The following MYLK variants were observed in gnomAD, a reference collection of about 807,000 sequenced individuals.
MYLK encodes myosin light chain kinase.
A neutral mutation model predicts 203.4 loss-of-function variants in MYLK; 106 were observed. The ratio of observed to expected loss-of-function variants is 0.52; its 90% CI spans 0.45 to 0.61. The LOEUF is 0.61. Among genes scored for constraint, MYLK ranks in the 20% least tolerant of loss-of-function variants. MYLK has a pLI of 0.00. For synonymous variants in MYLK, 867 were observed against 959.5 expected (o/e 0.90, Z 1.78); for missense variants, 2,072 against 2,442.3 (o/e 0.85, Z 3.20).
chr3:123,877,784 C>A (rs902209645), intron 1 of MYLK, among the ~76,000 whole-genome samples: 2 of 152,152 alleles, frequency 1.3e-5, no homozygotes, highest in African/African-American at 4.8e-5. Flanking sequence ...AAAATGATCA[C>A]CCTGTTGACA....
chr3:123,665,564 A>G (rs1024002711), intron 22 of MYLK, among the ~76,000 whole-genome samples: 7 of 152,174 alleles, frequency 4.6e-5, no homozygotes, highest in African/African-American at 1.7e-4. Context: ...TCCTGTGCCA[A>G]CCCATCATTC....
intron 3 of MYLK, among the ~76,000 whole-genome samples, chr3:123,823,004 G>A (rs1286679314): frequency 6.6e-6 from 1 of 152,100 alleles, no homozygotes. Context: ...TGAGGTCCAC[G>A]AACACATATG....
At chr3:123,664,946 T>G (rs986684301) in intron 22 of MYLK, among the ~76,000 whole-genome samples, 1 of 152,132 alleles carries the variant, frequency 6.6e-6, no homozygotes, top group African/African-American at 2.4e-5. Flanking sequence ...TGAGAGTAGA[T>G]GAGTGGTTGT....
intron 13 of MYLK, among the ~76,000 whole-genome samples, chr3:123,717,680 T>C (rs2061943805): frequency 2.0e-5 from 3 of 152,186 alleles, no homozygotes; most frequent in African/African-American, 7.2e-5. Context: ...ATATACTGTA[T>C]TTCAGATATT....
intron 29 of MYLK, among the ~76,000 whole-genome samples, chr3:123,632,164 C>T (rs1376559062): frequency 6.6e-6 from 1 of 152,056 alleles, no homozygotes; most frequent in African/African-American, 2.4e-5. Flanking sequence ...CATGAGCCAC[C>T]GCGCCTAGCC....
intron 19 of MYLK, among the ~76,000 whole-genome samples, chr3:123,684,109 C>T (rs2108469148): frequency 6.6e-6 from 1 of 152,294 alleles, no homozygotes; most frequent in Non-Finnish European, 1.5e-5. Flanking sequence ...CGTGGTCATT[C>T]TCAGCTACAG....
chr3:123,732,774 T>C, intron 11 of MYLK, 122 bp downstream of exon 11: 3 of 958,886 alleles, frequency 3.1e-6, no homozygotes, highest in Non-Finnish European at 4.9e-6. Context: ...GGGGGTGACA[T>C]TTCTGTCGGG....
intron 2 of MYLK, among the ~76,000 whole-genome samples, chr3:123,869,035 G>A (rs936101181): frequency 4.3e-4 from 66 of 152,206 alleles, no homozygotes; most frequent in Admixed American, 2.6e-3. Context: ...CAAGTTTTAT[G>A]AGCTCTCCAG....
chr3:123,638,285 C>A (rs2058715944), intron 28 of MYLK, 91 bp from the exon 29 acceptor site: 1 of 1,577,542 alleles, frequency 6.3e-7, no homozygotes, highest in South Asian at 1.1e-5. Flanking sequence ...TTGACCCCAA[C>A]CTGGGAGGGG....
At chr3:123,718,090 C>T (rs750810842) in intron 13 of MYLK, among the ~76,000 whole-genome samples, 10 of 152,044 alleles carry the variant, frequency 6.6e-5, no homozygotes, top group East Asian at 1.9e-4. Context: ...TCGAACTCCT[C>T]GGCTCAAGAG....
intron 3 of MYLK, among the ~76,000 whole-genome samples, chr3:123,817,366 T>C (rs915842065): frequency 1.3e-5 from 2 of 152,202 alleles, no homozygotes; most frequent in Non-Finnish European, 2.9e-5. Flanking sequence ...GAGTGGAACA[T>C]ATACTGTGAA....
intron 4 of MYLK, among the ~76,000 whole-genome samples, chr3:123,781,236 C>A (rs2064286879): frequency 6.6e-6 from 1 of 152,178 alleles, no homozygotes; most frequent in Non-Finnish European, 1.5e-5. Flanking sequence ...GTGCTCCAAG[C>A]CAATTGTTGG....
chr3:123,774,308 T>C (rs561984527), intron 4 of MYLK, among the ~76,000 whole-genome samples: 1 of 152,244 alleles, frequency 6.6e-6, no homozygotes, highest in East Asian at 1.9e-4. Context: ...TACAATACTT[T>C]TGCAGGGTCA....
chr3:123,846,781 A>T (rs775844696), intron 2 of MYLK, among the ~76,000 whole-genome samples: 2 of 151,894 alleles, frequency 1.3e-5, no homozygotes, highest in Non-Finnish European at 2.9e-5. Flanking sequence ...TTTATTAAGG[A>T]TCTCTTTTTT....
At chr3:123,680,655 C>T (rs1273279142) in intron 20 of MYLK, among the ~76,000 whole-genome samples, 1 of 152,176 alleles carries the variant, frequency 6.6e-6, no homozygotes, top group Non-Finnish European at 1.5e-5. Context: ...AGGCTGAGTT[C>T]CCCCAACAGC....
chr3:123,825,520 G>T (rs572176476), intron 3 of MYLK, among the ~76,000 whole-genome samples: 1 of 152,324 alleles, frequency 6.6e-6, no homozygotes, highest in Non-Finnish European at 1.5e-5. Context: ...GCCCAGTTTG[G>T]AGAGCCACTG....
At chr3:123,739,097 C>T (rs369187677) in intron 6 of MYLK, 35 bp from the exon 7 acceptor site, 573 of 1,610,028 alleles carry the variant, frequency 3.6e-4, no homozygotes, top group South Asian at 4.2e-4. Context: ...CAGTCCCAGA[C>T]AAGGCAGCAA....
chr3:123,700,846 C>T lies in MYLK; in HGVS notation c.2622G>A (p.Lys874=). 5.0e-6 allele frequency: 8 copies of T among 1,614,062 alleles called. No homozygotes were observed. The highest frequency in any genetic ancestry group is 6.8e-6 in the Non-Finnish European group (8 of 1,180,036). ...EDGEDVRGVL[K]RRVETRQHTE... ...TGTGCTGCCTCGTCTCCACGCGCCT[C>T]TTCAGCACCCCTCGCACGTCCTCGC... Residue 874 remains lysine (K), a synonymous_variant, in exon 18 of 34, where the codon AAG becomes AAA. Coordinates refer to ENST00000360304, the MANE Select transcript of MYLK (RefSeq NM_053025.4).
At chr3:123,839,992 CA>C (rs2066553826) in intron 2 of MYLK, among the ~76,000 whole-genome samples, 1 of 151,986 alleles carries the variant, frequency 6.6e-6, no homozygotes, top group South Asian at 2.1e-4. Flanking sequence ...GAAAATATTT[CA>C]AATGGAATGG....
Sources: allele counts gnomAD v4.1 joint callset (sites outside exome capture counted in the v4.1 genomes callset), GRCh38; gene constraint gnomAD v4.1.1; transcripts MANE v1.5; gene names NCBI Gene and HGNC (gene_info 2026-07-23, HGNC 2026-07-21).